CFAP54: variants seen among roughly 807,000 people sequenced by gnomAD.
The protein encoded by CFAP54 is cilia- and flagella-associated protein 54.
In CFAP54, 290 loss-of-function variants were observed where a neutral mutation model predicts 370.4. The observed-to-expected ratio is 0.78, with a 90% CI of 0.71 to 0.86. CFAP54 has a LOEUF of 0.86. CFAP54 is among the 40% of genes least tolerant of loss of function. The probability of loss-of-function intolerance (pLI) is 0.00; values close to 1 mark genes in which losing one functional copy is unlikely to be tolerated. For missense variants in CFAP54, 3,399 were observed against 3,528.7 expected, an observed-to-expected ratio of 0.96 and a Z score of 0.93; for synonymous variants, 1,206 against 1,236.5, an observed-to-expected ratio of 0.98 and a Z score of 0.52.
At chr12:96,625,206 G>A (rs1956536936) in intron 28 of CFAP54, among the ~76,000 whole-genome samples, 1 of 152,106 alleles carries the variant, frequency 6.6e-6, no homozygotes, top group Non-Finnish European at 1.5e-5. Flanking sequence ...AGAGCCAGAA[G>A]AAGATACTAT....
At chr12:96,621,983 G>A (rs914061435) in intron 27 of CFAP54, among the ~76,000 whole-genome samples, 5 of 135,222 alleles carry the variant, frequency 3.7e-5, no homozygotes, top group Non-Finnish European at 7.6e-5. Flanking sequence ...CCGACCATCA[G>A]TTAATGATGA....
At chr12:96,552,487 G>A (rs1302757257) in intron 15 of CFAP54, among the ~76,000 whole-genome samples, 1 of 151,828 alleles carries the variant, frequency 6.6e-6, no homozygotes, top group Non-Finnish European at 1.5e-5. Flanking sequence ...GGGACTACAG[G>A]TCTGCACCAT....
chr12:96,561,829 G>T (rs1465044470), intron 17 of CFAP54, among the ~76,000 whole-genome samples: 1 of 146,752 alleles, frequency 6.8e-6, no homozygotes, highest in Non-Finnish European at 1.5e-5. Flanking sequence ...GGCTGGAGTG[G>T]TGCGATCACC....
intron 4 of CFAP54, among the ~76,000 whole-genome samples, chr12:96,511,916 A>G (rs528142226): frequency 6.3e-4 from 96 of 152,318 alleles, no homozygotes; most frequent in Admixed American, 8.5e-4. Context: ...AAAGCATGCT[A>G]CCATCTTTTG....
At chr12:96,663,707 T>G in intron 38 of CFAP54, 123 bp from the exon 39 acceptor site, 2 of 655,008 alleles carry the variant, frequency 3.1e-6, no homozygotes, top group Non-Finnish European at 2.6e-6. Context: ...GCCAGCTTTT[T>G]TTGTAGCATT....
intron 44 of CFAP54, among the ~76,000 whole-genome samples, chr12:96,693,148 T>C (rs1237730124): frequency 6.6e-6 from 1 of 152,186 alleles, no homozygotes; most frequent in Non-Finnish European, 1.5e-5. Flanking sequence ...CAGTAGAATA[T>C]ACGCTATGTG....
intron 63 of CFAP54, among the ~76,000 whole-genome samples, chr12:96,809,900 A>C (rs1371218990): frequency 1.3e-5 from 2 of 152,178 alleles, no homozygotes; most frequent in African/African-American, 4.8e-5. Flanking sequence ...GTGGGGTAGC[A>C]GGATGTCTCT....
At chr12:96,493,693 C>G (rs1261102981) in intron 1 of CFAP54, among the ~76,000 whole-genome samples, 1 of 151,962 alleles carries the variant, frequency 6.6e-6, no homozygotes, top group Admixed American at 6.6e-5. Context: ...AGCTACTCGG[C>G]AGGCCGAGGC....
chr12:96,527,410 A>G lies in CFAP54; in HGVS notation c.1323A>G (p.Ser441=), dbSNP rs143636127. ...AAGTGGAGATTCATGATGTTGTCTCAGAATTGTTTATGGCAGGAAAAGAAC... is the reference window on the plus strand; with the variant it reads ...AAGTGGAGATTCATGATGTTGTCTCGGAATTGTTTATGGCAGGAAAAGAAC... ...TDEVEIHDVV[S]ELFMAGKELL... The change falls in exon 9 of 68, where the codon TCA becomes TCG. Residue 441 remains serine, a synonymous_variant. Transcript: ENST00000524981. The G allele has an allele frequency of 2.3e-4, 346 of 1,527,946 alleles. No homozygotes were observed. In the African/African-American group the frequency reaches 4.0e-3, roughly 18 times the overall value. The allele number at this position is 1,527,946 out of a possible 1,614,324, so 94.6% of individuals were successfully genotyped here. A position where few individuals can be genotyped will look rare whatever the true frequency, so the allele number is the denominator to read the frequency against.
intron 12 of CFAP54, among the ~76,000 whole-genome samples, chr12:96,537,538 C>T (rs1453994035): frequency 5.3e-5 from 8 of 152,046 alleles, no homozygotes; most frequent in Admixed American, 3.9e-4. Context: ...GATAGGGTTT[C>T]GCCATGTTTG....
At chr12:96,584,222 G>A (rs1273970195) in intron 22 of CFAP54, among the ~76,000 whole-genome samples, 2 of 151,698 alleles carry the variant, frequency 1.3e-5, no homozygotes, top group African/African-American at 4.8e-5. Context: ...CCAGCACTTT[G>A]GCAGGCTGAG....
Position 96,797,445 on chromosome 12 carries a change from T to C in CFAP54, c.8850+4946T>C, listed in dbSNP as rs191085901. On this transcript the variant is annotated intron_variant, in intron 63 of 67. Coordinates refer to ENST00000524981, the MANE Select transcript of CFAP54 (RefSeq NM_001306084.2). ...AGTATGTTTAAATCTTTCACTATGA[T>C]TGTCATTGTTTAGTTTTTTCTTACA... 2.0e-5 allele frequency among the ~76,000 whole-genome samples: 3 copies of C among 152,212 alleles called. No individual in the cohort carries two copies. In the East Asian group the frequency reaches 5.8e-4, roughly 29 times the overall value.
intron 39 of CFAP54, among the ~76,000 whole-genome samples, chr12:96,675,169 A>C (rs1256048305): frequency 6.6e-6 from 1 of 152,104 alleles, no homozygotes; most frequent in Non-Finnish European, 1.5e-5. Flanking sequence ...AATGGGAGAA[A>C]ATTTTTGCAA....
chr12:96,573,252 T>A (rs1955942084), intron 19 of CFAP54, among the ~76,000 whole-genome samples: 1 of 152,232 alleles, frequency 6.6e-6, no homozygotes, highest in South Asian at 2.1e-4. Flanking sequence ...TATCTTGGTC[T>A]CTACAGCCTG....
At chr12:96,538,862 C>T (rs1358331264) in intron 13 of CFAP54, among the ~76,000 whole-genome samples, 1 of 151,764 alleles carries the variant, frequency 6.6e-6, no homozygotes. Context: ...AGTGATCCTC[C>T]ACAGCTCAGC....
chr12:96,823,627 G>A (rs1383354755), intron 65 of CFAP54, among the ~76,000 whole-genome samples: 1 of 152,236 alleles, frequency 6.6e-6, no homozygotes, highest in African/African-American at 2.4e-5. Flanking sequence ...TGCAGTAGGA[G>A]TCTGTCTCTC....
chr12:96,602,783 G>A (rs769018100), intron 26 of CFAP54, among the ~76,000 whole-genome samples: 9 of 152,126 alleles, frequency 5.9e-5, no homozygotes, highest in Non-Finnish European at 1.2e-4. Flanking sequence ...TGCAACCCCT[G>A]CTTTTTTTTG....
chr12:96,531,709 A>G (rs1292853921), intron 9 of CFAP54, among the ~76,000 whole-genome samples: 1 of 152,068 alleles, frequency 6.6e-6, no homozygotes, highest in Non-Finnish European at 1.5e-5. Flanking sequence ...CAACAATGAT[A>G]TACTTTTTTG....
chr12:96,674,806 C>G (rs1018304540), intron 39 of CFAP54, among the ~76,000 whole-genome samples: 1 of 152,114 alleles, frequency 6.6e-6, no homozygotes, highest in Non-Finnish European at 1.5e-5. Context: ...CCTTTGGTGC[C>G]AGGCACAGTG....
Sources: gnomAD v4.1 joint callset for allele counts (sites outside exome capture counted in the v4.1 genomes callset) on GRCh38, gnomAD v4.1.1 for gene constraint, MANE v1.5 for transcripts, NCBI Gene and HGNC (gene_info 2026-07-23, HGNC 2026-07-21) for gene names.